MDGA2: variants seen among roughly 807,000 people sequenced by gnomAD.
MDGA2 encodes the protein MAM domain-containing glycosylphosphatidylinositol anchor protein 2.
MDGA2 carries 40 observed loss-of-function variants against 117.8 expected under a neutral mutation model. The observed-to-expected ratio is 0.34, with a 90% CI of 0.26 to 0.44. The LOEUF is 0.44. MDGA2 is among the 20% of genes least tolerant of loss of function. MDGA2 has a pLI of 1.00. For synonymous variants in MDGA2, 452 were observed against 439.0 expected (o/e 1.03, Z -0.37); for missense variants, 1,123 against 1,250.6 (o/e 0.90, Z 1.54).
chr14:47,645,345 G>A (rs11625935), intron 1 of MDGA2, among the ~76,000 whole-genome samples: 6 of 151,538 alleles, frequency 4.0e-5, no homozygotes, highest in African/African-American at 1.5e-4. Context: ...CCGGGTTCAC[G>A]CCATTCTCCT....
intron 8 of MDGA2, among the ~76,000 whole-genome samples, chr14:46,998,232 C>T (rs1887370895): frequency 6.6e-6 from 1 of 151,988 alleles, no homozygotes; most frequent in African/African-American, 2.4e-5. Flanking sequence ...TTGCTTGATC[C>T]CACGAGTTTG....
chr14:47,106,258 A>C (rs549616887), intron 5 of MDGA2, among the ~76,000 whole-genome samples: 65 of 152,134 alleles, frequency 4.3e-4, no homozygotes, highest in African/African-American at 1.5e-3. Context: ...CCAAAAATTA[A>C]ATTTCGGCCC....
intron 1 of MDGA2, among the ~76,000 whole-genome samples, chr14:47,376,848 T>C (rs1207876239): frequency 1.2e-4 from 18 of 152,110 alleles, no homozygotes; most frequent in Admixed American, 1.2e-3. Context: ...CAAAATCTGC[T>C]GGAGGTAGGA....
chr14:47,348,716 G>A (rs1243308536), intron 1 of MDGA2, among the ~76,000 whole-genome samples: 2 of 152,066 alleles, frequency 1.3e-5, no homozygotes, highest in Non-Finnish European at 2.9e-5. Context: ...GAGAGACAAA[G>A]GCAGAGTGGA....
chr14:47,119,456 T>C (rs955913692), intron 5 of MDGA2, among the ~76,000 whole-genome samples: 3 of 152,254 alleles, frequency 2.0e-5, no homozygotes, highest in African/African-American at 7.2e-5. Flanking sequence ...ACACACAATG[T>C]TTAGTGTGCA....
chr14:47,414,296 T>C (rs748041436), intron 1 of MDGA2, among the ~76,000 whole-genome samples: 4 of 152,196 alleles, frequency 2.6e-5, no homozygotes, highest in Non-Finnish European at 5.9e-5. Context: ...TTACCGGTTG[T>C]ATGGCTTTGG....
intron 6 of MDGA2, among the ~76,000 whole-genome samples, chr14:47,062,921 A>C (rs928042996): frequency 6.6e-6 from 1 of 152,074 alleles, no homozygotes; most frequent in Non-Finnish European, 1.5e-5. Context: ...ATATACATAG[A>C]TATCAAAAAC....
At chr14:46,924,921 T>A (rs2138525802) in intron 9 of MDGA2, among the ~76,000 whole-genome samples, 1 of 152,278 alleles carries the variant, frequency 6.6e-6, no homozygotes, top group Middle Eastern at 3.4e-3. Context: ...TGGTCTTTTT[T>A]ACCATTGGGA....
chr14:46,928,551 AAAT>A (rs1566529605), intron 9 of MDGA2, among the ~76,000 whole-genome samples: 63 of 151,774 alleles, frequency 4.2e-4, no homozygotes, highest in South Asian at 2.1e-3. Flanking sequence ...TTTATTGAAT[AAAT>A]CAATCAATGA....
chr14:46,931,381 AG>A (rs1271508324), intron 9 of MDGA2, among the ~76,000 whole-genome samples: 2 of 152,074 alleles, frequency 1.3e-5, no homozygotes, highest in Non-Finnish European at 2.9e-5. Flanking sequence ...TAATATTATC[AG>A]GGAAAATATC....
chr14:47,352,315 G>A (rs1428931381), intron 1 of MDGA2, among the ~76,000 whole-genome samples: 1 of 152,026 alleles, frequency 6.6e-6, no homozygotes, highest in Admixed American at 6.6e-5. Flanking sequence ...GATCGTGTCT[G>A]GTTAATCTCC....
At chr14:47,335,264 GAAAAA>G (rs753734207) in intron 1 of MDGA2, among the ~76,000 whole-genome samples, 116 of 46,356 alleles carry the variant, frequency 2.5e-3, no homozygotes, top group African/African-American at 8.1e-3. Flanking sequence ...GTACTACACA[GAAAAA>G]AAAAAAGTAT....
At chr14:47,478,386 T>C (rs1893886254) in intron 1 of MDGA2, among the ~76,000 whole-genome samples, 1 of 152,056 alleles carries the variant, frequency 6.6e-6, no homozygotes, top group African/African-American at 2.4e-5. Context: ...AAAATATTAT[T>C]ATTATTTAGA....
intron 6 of MDGA2, among the ~76,000 whole-genome samples, chr14:47,063,451 T>G (rs1014512797): frequency 6.6e-6 from 1 of 151,984 alleles, no homozygotes; most frequent in Non-Finnish European, 1.5e-5. Context: ...GACTTTACAT[T>G]GTATTTGGGA....
At chr14:47,395,048 A>G (rs1891977906) in intron 1 of MDGA2, among the ~76,000 whole-genome samples, 1 of 152,062 alleles carries the variant, frequency 6.6e-6, no homozygotes, top group Non-Finnish European at 1.5e-5. Context: ...CCAGTTACTC[A>G]GGAGGCTGAG....
chr14:47,232,735 T>C (rs920554942), intron 2 of MDGA2, among the ~76,000 whole-genome samples: 7 of 152,122 alleles, frequency 4.6e-5, no homozygotes, highest in African/African-American at 1.7e-4. Context: ...ATCAACACCA[T>C]AGACTCTAAC....
intron 1 of MDGA2, among the ~76,000 whole-genome samples, chr14:47,586,078 G>A (rs963347691): frequency 6.6e-6 from 1 of 151,856 alleles, no homozygotes; most frequent in African/African-American, 2.4e-5. Context: ...TTGGACAGAT[G>A]TAAATAGTAT....
intron 2 of MDGA2, among the ~76,000 whole-genome samples, chr14:47,282,544 AC>A (rs1888530153): frequency 6.6e-6 from 1 of 151,868 alleles, no homozygotes; most frequent in Non-Finnish European, 1.5e-5. Flanking sequence ...ACACACACAC[AC>A]AAATTAGCCG....
chr14:47,203,184 C>T (rs1452549794), intron 3 of MDGA2, among the ~76,000 whole-genome samples: 5 of 151,878 alleles, frequency 3.3e-5, no homozygotes, highest in Non-Finnish European at 7.4e-5. Context: ...TTTCATTAAT[C>T]TAATATTTGG....
Sources: allele counts gnomAD v4.1 joint callset (sites outside exome capture counted in the v4.1 genomes callset), GRCh38; gene constraint gnomAD v4.1.1; transcripts MANE v1.5; gene names NCBI Gene and HGNC (gene_info 2026-07-23, HGNC 2026-07-21).